RNF150: variants seen among roughly 807,000 people sequenced by gnomAD.
RNF150 encodes the protein ring finger protein 150.
Under a neutral mutation model 39.3 loss-of-function variants are expected in RNF150, and 24 were observed. The observed-to-expected ratio is 0.61, with a 90% confidence interval of 0.44 to 0.86. RNF150 has a LOEUF of 0.86. Ranked by LOEUF, RNF150 falls within the 40% of genes least tolerant of loss-of-function variation. The probability of loss-of-function intolerance (pLI) is 0.00; values close to 1 mark genes in which losing one functional copy is unlikely to be tolerated. For synonymous variants in RNF150, 255 were observed against 227.3 expected (o/e 1.12, Z -1.10); for missense variants, 502 against 587.8 (o/e 0.85, Z 1.51).
chr4:141,159,434 G>C lies in RNF150; in HGVS notation c.-6+53360C>G, dbSNP rs185890051. Among the ~76,000 whole-genome samples, 30 of 152,218 alleles carry C rather than the reference G, an allele frequency of 2.0e-4. No homozygotes were observed. The East Asian group carries it at 5.4e-3, about 27-fold the overall frequency. ...AAAAACTCTCAGCCATATGAGTTTT[G>C]TACATAGCTCACAATCTCTACCAAA... On this transcript the variant is annotated intron_variant, in intron 1 of 7. Transcript: ENST00000420921.
At chr4:141,096,290 G>T (rs554142532) in intron 1 of RNF150, among the ~76,000 whole-genome samples, 3 of 140,834 alleles carry the variant, frequency 2.1e-5, no homozygotes, top group Non-Finnish European at 4.5e-5. Context: ...TCCACCTCCC[G>T]GGTTCAAGCG....
intron 1 of RNF150, among the ~76,000 whole-genome samples, chr4:141,143,062 GTT>G (rs1222649160): frequency 6.6e-6 from 1 of 151,962 alleles, no homozygotes; most frequent in Non-Finnish European, 1.5e-5. Context: ...TAGATACGGG[GTT>G]TCACCGTGTT....
At chr4:140,873,413 C>T (rs1456853993) in intron 6 of RNF150, among the ~76,000 whole-genome samples, 3 of 151,698 alleles carry the variant, frequency 2.0e-5, no homozygotes, top group African/African-American at 7.3e-5. Flanking sequence ...GAAGGTAATC[C>T]CCCCAAAGAG....
chr4:140,912,066 C>A (rs568594250), intron 5 of RNF150, among the ~76,000 whole-genome samples: 1 of 152,330 alleles, frequency 6.6e-6, no homozygotes, highest in East Asian at 1.9e-4. Flanking sequence ...TCTCCAATAT[C>A]ATTGACAGCT....
chr4:140,991,115 C>T (rs1235291790), intron 1 of RNF150, among the ~76,000 whole-genome samples: 1 of 151,644 alleles, frequency 6.6e-6, no homozygotes, highest in African/African-American at 2.4e-5. Flanking sequence ...TTATTTTTTT[C>T]GTATGTTTGT....
chr4:140,874,894 A>C (rs927192580), intron 6 of RNF150, among the ~76,000 whole-genome samples: 6 of 152,176 alleles, frequency 3.9e-5, no homozygotes, highest in Non-Finnish European at 7.3e-5. Flanking sequence ...TGAACTTCTG[A>C]TCTCAAGGAA....
intron 1 of RNF150, among the ~76,000 whole-genome samples, chr4:141,099,688 T>G (rs1738935740): frequency 6.6e-6 from 1 of 151,990 alleles, no homozygotes; most frequent in Non-Finnish European, 1.5e-5. Context: ...GATGGATAAA[T>G]GAGAGATTAG....
At chr4:140,999,675 C>T (rs1158705667) in intron 1 of RNF150, among the ~76,000 whole-genome samples, 1 of 152,072 alleles carries the variant, frequency 6.6e-6, no homozygotes, top group Non-Finnish European at 1.5e-5. Context: ...CGGCTCACAT[C>T]TGTAATCTCA....
chr4:141,075,787 T>C (rs116575107), intron 1 of RNF150, among the ~76,000 whole-genome samples: 1,955 of 152,200 alleles, frequency 0.013, 54 homozygotes, highest in African/African-American at 0.045. Flanking sequence ...GCTGGGAAAA[T>C]CTCTAGCAGA....
In RNF150 at chr4:141,095,959, A is replaced by G. The variant is rs545868069; in HGVS notation, c.484+36366T>C. Reference sequence around the variant, plus strand: ...CATAAACATGCACTCTTACACAAACATGATGTATTTTATATATTTTTTAAA... The same window carrying G: ...CATAAACATGCACTCTTACACAAACGTGATGTATTTTATATATTTTTTAAA... On this transcript the variant is annotated intron_variant, in intron 1 of 6. Transcript: ENST00000515673. Among the ~76,000 whole-genome samples the G allele has an allele frequency of 1.6e-4, 24 of 152,238 alleles. No individual in the cohort carries two copies. In the East Asian group the frequency reaches 3.5e-3, roughly 22 times the overall value.
chr4:141,189,031 T>G (rs1728061599), intron 1 of RNF150, among the ~76,000 whole-genome samples: 1 of 152,254 alleles, frequency 6.6e-6, no homozygotes, highest in South Asian at 2.1e-4. Flanking sequence ...CTACCTTTGA[T>G]CTTCGATGCT....
At chr4:141,052,980 C>T (rs991519483) in intron 1 of RNF150, among the ~76,000 whole-genome samples, 2 of 152,114 alleles carry the variant, frequency 1.3e-5, no homozygotes, top group Non-Finnish European at 1.5e-5. Context: ...GCTTGCTTAG[C>T]CTCTCTGTTC....
At chr4:141,183,266 A>T (rs1486337679) in intron 1 of RNF150, among the ~76,000 whole-genome samples, 1 of 152,128 alleles carries the variant, frequency 6.6e-6, no homozygotes, top group Non-Finnish European at 1.5e-5. Context: ...TCATGATGGT[A>T]GACCTGTTAT....
chr4:141,139,586 A>G (rs889806076), intron 1 of RNF150, among the ~76,000 whole-genome samples: 1 of 152,240 alleles, frequency 6.6e-6, no homozygotes, highest in African/African-American at 2.4e-5. Context: ...TGTCTGGCCC[A>G]TAGAAGGCAT....
At position 140,989,795 on chromosome 4, in the gene RNF150, T is replaced by C. The variant is rs986019299; in HGVS notation, c.485-21922A>G. Reference sequence around the variant, plus strand: ...CAAATCTTAAGGACTTATTAATTATTTACAGTCTGGCTCTGAAGATGATAG... The same window carrying C: ...CAAATCTTAAGGACTTATTAATTATCTACAGTCTGGCTCTGAAGATGATAG... On this transcript the variant is annotated intron_variant, in intron 1 of 6. Coordinates refer to ENST00000515673, the MANE Select transcript of RNF150 (RefSeq NM_020724.2). Among the ~76,000 whole-genome samples the C allele has an allele frequency of 5.3e-5, 8 of 152,268 alleles. No homozygotes were observed. The South Asian group carries it at 8.3e-4, about 16-fold the overall frequency.
upstream of RNF150, among the ~76,000 whole-genome samples, chr4:141,135,588 G>C (rs1338128786): frequency 2.6e-5 from 4 of 152,178 alleles, no homozygotes; most frequent in Admixed American, 2.0e-4. Flanking sequence ...AAAAATGATG[G>C]AGTAAATAAA....
At chr4:141,050,707 C>T (rs531427197) in intron 1 of RNF150, among the ~76,000 whole-genome samples, 1 of 152,326 alleles carries the variant, frequency 6.6e-6, no homozygotes, top group African/African-American at 2.4e-5. Context: ...TGGTCTTGGG[C>T]AGCTCCGCCC....
At chr4:141,177,723 G>A (rs956471435) in intron 1 of RNF150, among the ~76,000 whole-genome samples, 2 of 152,094 alleles carry the variant, frequency 1.3e-5, no homozygotes, top group East Asian at 1.9e-4. Context: ...TGATGGAACC[G>A]AATAAATTAA....
intron 1 of RNF150, among the ~76,000 whole-genome samples, chr4:141,081,006 G>C (rs1466074129): frequency 6.6e-6 from 1 of 152,292 alleles, no homozygotes; most frequent in East Asian, 1.9e-4. Context: ...CAATGCGGTT[G>C]TCACCATTGC....
Sources: allele counts gnomAD v4.1 joint callset (sites outside exome capture counted in the v4.1 genomes callset), GRCh38; gene constraint gnomAD v4.1.1; transcripts MANE v1.5; gene names NCBI Gene and HGNC (gene_info 2026-07-23, HGNC 2026-07-21).